ACTR3: variants seen among roughly 807,000 people sequenced by gnomAD.
The protein encoded by ACTR3 is actin-related protein 3.
In ACTR3, 12 loss-of-function variants were observed where a neutral mutation model predicts 56.8. That is an observed-to-expected ratio of 0.21 (90% CI 0.14 to 0.34). ACTR3 has a LOEUF of 0.34. ACTR3 is among the 10% of genes least tolerant of loss of function. ACTR3 has a pLI of 1.00. For missense variants in ACTR3, 282 were observed against 512.5 expected, an observed-to-expected ratio of 0.55 and a Z score of 4.34; for synonymous variants, 162 against 167.4, an observed-to-expected ratio of 0.97 and a Z score of 0.25.
chr2:113,907,847 C>A (rs753808520), intron 1 of ACTR3, among the ~76,000 whole-genome samples: 6 of 151,716 alleles, frequency 4.0e-5, no homozygotes, highest in Non-Finnish European at 5.9e-5. Context: ...TGGCGCATGC[C>A]TGTAATCCCA....
At chr2:113,891,462 T>C in intron 1 of ACTR3, among the ~76,000 whole-genome samples, 1 of 146,156 alleles carries the variant, frequency 6.8e-6, no homozygotes, top group African/African-American at 2.4e-5. Context: ...GCATAGAGAA[T>C]AGACTACCCT....
At chr2:113,916,611 T>C (rs913338630) in intron 2 of ACTR3, among the ~76,000 whole-genome samples, 3 of 152,180 alleles carry the variant, frequency 2.0e-5, no homozygotes, top group African/African-American at 7.2e-5. Context: ...AGGATTTATA[T>C]AATTTAAAAA....
chr2:113,900,681 C>G (rs1679083933), intron 1 of ACTR3, among the ~76,000 whole-genome samples: 1 of 152,170 alleles, frequency 6.6e-6, no homozygotes, highest in Non-Finnish European at 1.5e-5. Context: ...AGTCTATGAT[C>G]ACAGGATCAC....
intron 1 of ACTR3, among the ~76,000 whole-genome samples, chr2:113,897,888 A>G (rs552698160): frequency 1.3e-5 from 2 of 152,296 alleles, no homozygotes; most frequent in East Asian, 3.9e-4. Context: ...CTCCTGCCGA[A>G]GGACATTACC....
intron 10 of ACTR3, chr2:113,952,825 C>A (rs1422285058): frequency 6.6e-6 from 1 of 152,094 alleles, no homozygotes; most frequent in Admixed American, 6.6e-5. Context: ...CTTTTGCATC[C>A]CCTTCCCAAC....
At chr2:113,921,698 G>A (rs1357159278) in intron 3 of ACTR3, among the ~76,000 whole-genome samples, 1 of 152,144 alleles carries the variant, frequency 6.6e-6, no homozygotes, top group African/African-American at 2.4e-5. Context: ...TTTTGACTGG[G>A]TAGTGTAGAG....
intron 1 of ACTR3, among the ~76,000 whole-genome samples, chr2:113,908,779 T>C (rs1258650702): frequency 6.6e-6 from 1 of 152,128 alleles, no homozygotes; most frequent in Non-Finnish European, 1.5e-5. Flanking sequence ...CATTCAGCAC[T>C]TTACTCCCTG....
intron 1 of ACTR3, chr2:113,890,752 G>A: frequency 9.6e-7 from 1 of 1,043,066 alleles, no homozygotes; most frequent in Non-Finnish European, 1.2e-6. Context: ...GGCCTGGCAG[G>A]GGAGCTAGAA....
chr2:113,955,341 T>C (rs1039365982), intron 10 of ACTR3: 1 of 234,010 alleles, frequency 4.3e-6, no homozygotes, highest in Admixed American at 5.6e-5. Context: ...TTTTTTAGTA[T>C]GTAAAACACT....
At chr2:113,908,440 A>G (rs1243884886) in intron 1 of ACTR3, among the ~76,000 whole-genome samples, 1 of 151,720 alleles carries the variant, frequency 6.6e-6, no homozygotes, top group Non-Finnish European at 1.5e-5. Context: ...ACATTTGAAA[A>G]GCTTTTATTT....
chr2:113,914,614 C>CAAAAAAAAAAA (rs55784117), intron 2 of ACTR3, among the ~76,000 whole-genome samples: 3 of 69,192 alleles, frequency 4.3e-5, no homozygotes, highest in African/African-American at 8.5e-5. Flanking sequence ...GACTCAGTCT[C>CAAAAAAAAAAA]AAAAAAAAAA....
intron 1 of ACTR3, among the ~76,000 whole-genome samples, chr2:113,892,651 T>C (rs1678927596): frequency 6.6e-6 from 1 of 152,220 alleles, no homozygotes; most frequent in Non-Finnish European, 1.5e-5. Context: ...TTCAAAATTC[T>C]GTGGTCCCCG....
In ACTR3 at chr2:113,958,962, TATA is replaced by T. The variant is rs1680274190; in HGVS notation, c.*1513_*1515del. 2.0e-5 allele frequency: 3 copies of T among 152,070 alleles called. No individual in the cohort carries two copies. Among genetic ancestry groups the T allele is most frequent in the Admixed American group, 1.3e-4 (2 of 15,254 alleles). The allele number at this position is 152,070 out of a possible 1,614,324, so 9.4% of individuals were successfully genotyped here. A position where few individuals can be genotyped will look rare whatever the true frequency, so the allele number is the denominator to read the frequency against. On this transcript the variant is annotated 3_prime_UTR_variant, in exon 12 of 12. Transcript: ENST00000263238. ...GAGTGGATCTGAATATTTAAAATCC[TATA>T]ATAATTTTTGTGAATCTTCATTCTT...
intron 1 of ACTR3, among the ~76,000 whole-genome samples, chr2:113,906,117 G>T (rs753773819): frequency 6.6e-6 from 1 of 152,158 alleles, no homozygotes; most frequent in Non-Finnish European, 1.5e-5. Flanking sequence ...CACCAGCATT[G>T]CACAAGGGTT....
At chr2:113,908,490 A>T (rs1163038957) in intron 1 of ACTR3, among the ~76,000 whole-genome samples, 4 of 151,342 alleles carry the variant, frequency 2.6e-5, no homozygotes, top group Non-Finnish European at 5.9e-5. Context: ...ATACTTTCTA[A>T]TTTTTTTCTT....
In ACTR3 at chr2:113,931,393, G is replaced by A. The variant is rs1387435582; in HGVS notation, c.429G>A (p.Val143=). The change falls in exon 5 of 12, where the codon GTG becomes GTA. Residue 143 remains valine (V), a synonymous_variant. Coordinates refer to ENST00000263238, the MANE Select transcript of ACTR3 (RefSeq NM_005721.5). ...ATGTTCCAGGCTTGTACATTGCTGT[G>A]CAGGTAAGCAAGTTCATACTTTCTA... ...SFNVPGLYIA[V]QAVLALAASW... 1.9e-6 allele frequency: 3 copies of A among 1,565,338 alleles called. No individual in the cohort carries two copies. The highest frequency in any genetic ancestry group is 2.6e-6 in the Non-Finnish European group (3 of 1,156,232).
chr2:113,913,955 A>G (rs11693268), intron 2 of ACTR3, among the ~76,000 whole-genome samples: 43,946 of 151,954 alleles, frequency 0.29, 7,954 homozygotes, highest in Middle Eastern at 0.44. Flanking sequence ...CTTCTGATCT[A>G]TTTGTCTTAC....
intron 2 of ACTR3, among the ~76,000 whole-genome samples, chr2:113,916,183 G>GT (rs1323670301): frequency 6.6e-6 from 1 of 152,144 alleles, no homozygotes; most frequent in Admixed American, 6.5e-5. Flanking sequence ...TGCCAGATCA[G>GT]TTTAAGTGCA....
chr2:113,951,677 A>G (rs562338511), intron 9 of ACTR3, 43 bp from the exon 10 acceptor site: 1 of 1,489,452 alleles, frequency 6.7e-7, no homozygotes, highest in South Asian at 1.3e-5. Context: ...ATATCTTTAA[A>G]CTTTTCTCTT....
Sources: allele counts gnomAD v4.1 joint callset (sites outside exome capture counted in the v4.1 genomes callset), GRCh38; gene constraint gnomAD v4.1.1; transcripts MANE v1.5; gene names NCBI Gene and HGNC (gene_info 2026-07-23, HGNC 2026-07-21).